Variants in ERBB4 observed in about 807,000 individuals in gnomAD.
ERBB4 encodes erb-b2 receptor tyrosine kinase 4.
ERBB4 carries 42 observed loss-of-function variants against 158.0 expected under a neutral mutation model. The ratio of observed to expected loss-of-function variants is 0.27; its 90% CI spans 0.21 to 0.34. The LOEUF is 0.34. Ranked by LOEUF, ERBB4 falls within the 10% of genes least tolerant of loss-of-function variation. The pLI is 1.00. For missense variants in ERBB4, 1,333 were observed against 1,624.1 expected, an observed-to-expected ratio of 0.82 and a Z score of 3.08; for synonymous variants, 583 against 558.7, an observed-to-expected ratio of 1.04 and a Z score of -0.61.
chr2:211,509,994 G>A (rs1453682356), intron 20 of ERBB4, among the ~76,000 whole-genome samples: 1 of 152,050 alleles, frequency 6.6e-6, no homozygotes, highest in African/African-American at 2.4e-5. Context: ...ACTGTTAGTG[G>A]GAATTTAAAT....
intron 2 of ERBB4, among the ~76,000 whole-genome samples, chr2:212,000,559 A>G (rs1204772084): frequency 1.3e-5 from 2 of 151,908 alleles, no homozygotes; most frequent in Non-Finnish European, 3.0e-5. Context: ...CTGCGTTAGA[A>G]TTGAAACTAA....
At chr2:212,314,971 G>T (rs901746239) in intron 1 of ERBB4, among the ~76,000 whole-genome samples, 4 of 151,150 alleles carry the variant, frequency 2.6e-5, no homozygotes, top group Non-Finnish European at 5.9e-5. Flanking sequence ...AATTTATTTG[G>T]TTTTTTAAAA....
chr2:212,464,843 T>A (rs1048163408), intron 1 of ERBB4, among the ~76,000 whole-genome samples: 3 of 151,788 alleles, frequency 2.0e-5, no homozygotes, highest in African/African-American at 7.3e-5. Context: ...AACTATTTGT[T>A]TTAATCAAAG....
At chr2:211,563,931 CTT>C (rs2067478543) in intron 19 of ERBB4, among the ~76,000 whole-genome samples, 1 of 151,986 alleles carries the variant, frequency 6.6e-6, no homozygotes, top group Non-Finnish European at 1.5e-5. Flanking sequence ...TTGTATTACT[CTT>C]GAACATTTTC....
chr2:212,405,734 C>T lies in ERBB4; in HGVS notation c.82+132715G>A, dbSNP rs73062304. On this transcript the variant is annotated intron_variant, in intron 1 of 27. Coordinates refer to ENST00000342788, the MANE Select transcript of ERBB4 (RefSeq NM_005235.3). ...TACTTCAATTATTTTTGTATGCTGG[C>T]TCCTAGGGAGCAGCCACACTTAGTA... is the stretch of plus-strand genomic sequence containing the variant. Among the ~76,000 whole-genome samples, 1,343 of 152,160 alleles carry T rather than the reference C, an allele frequency of 8.8e-3. 15 individuals are homozygous for T. Among genetic ancestry groups the T allele is most frequent in the African/African-American group, 0.029 (1,222 of 41,532 alleles).
intron 19 of ERBB4, among the ~76,000 whole-genome samples, chr2:211,614,035 A>T (rs537229741): frequency 1.3e-5 from 2 of 152,208 alleles, no homozygotes; most frequent in South Asian, 4.1e-4. Context: ...CCATCAACAG[A>T]TGTAGGAATA....
chr2:212,191,599 GTGTTA>G (rs1559701794), intron 1 of ERBB4, among the ~76,000 whole-genome samples: 1 of 140,128 alleles, frequency 7.1e-6, no homozygotes, highest in Non-Finnish European at 1.5e-5. Flanking sequence ...TATAACACAT[GTGTTA>G]TGCCTGTTAT....
At chr2:212,479,858 T>G (rs1689597563) in intron 1 of ERBB4, among the ~76,000 whole-genome samples, 2 of 152,186 alleles carry the variant, frequency 1.3e-5, no homozygotes, top group South Asian at 4.1e-4. Flanking sequence ...GTGAATGTCA[T>G]TTTAACAGAG....
intron 1 of ERBB4, among the ~76,000 whole-genome samples, chr2:212,165,934 A>C (rs1244834283): frequency 6.6e-6 from 1 of 152,066 alleles, no homozygotes; most frequent in African/African-American, 2.4e-5. Flanking sequence ...CTTTAATCAA[A>C]AACTGTATTT....
Position 212,384,890 on chromosome 2 carries a change from A to AATATATATATAT in ERBB4, c.82+153547_82+153558dup, listed in dbSNP as rs67216333. ...TTGTTCTTAAATTCCATGTTTGTGG[A>AATATATATATAT]ATATATATATATATATATATATATA... On this transcript the variant is annotated intron_variant, in intron 1 of 27. Transcript: ENST00000342788. 4.4e-3 allele frequency among the ~76,000 whole-genome samples: 545 copies of AATATATATATAT among 122,974 alleles called. 2 individuals carry two copies. The highest frequency in any genetic ancestry group is 0.013 in the Admixed American group (154 of 11,672). 80.7% of individuals were successfully genotyped at this position (122,974 alleles called of 152,430 possible).
chr2:212,123,878 G>A (rs1049954882), intron 2 of ERBB4, among the ~76,000 whole-genome samples: 5 of 152,062 alleles, frequency 3.3e-5, no homozygotes, highest in African/African-American at 1.2e-4. Flanking sequence ...AAATGTATAC[G>A]AAAGTGCTCC....
chr2:211,517,586 A>G (rs566679313), intron 20 of ERBB4, among the ~76,000 whole-genome samples: 3 of 152,268 alleles, frequency 2.0e-5, no homozygotes, highest in African/African-American at 7.2e-5. Flanking sequence ...CCCTGCCTTC[A>G]TAAAAGATTA....
intron 19 of ERBB4, among the ~76,000 whole-genome samples, chr2:211,583,852 A>G (rs1445186376): frequency 1.3e-5 from 2 of 151,384 alleles, no homozygotes; most frequent in Admixed American, 6.6e-5. Context: ...GTATTCTTCA[A>G]CGTTCCCCGG....
chr2:211,773,598 TTATATATATATATATATATATA>T (rs1171015959), intron 4 of ERBB4, among the ~76,000 whole-genome samples: 314 of 29,788 alleles, frequency 0.011, 13 homozygotes, highest in African/African-American at 0.017. Context: ...TTCTGTAACT[TTATATATATATATATATATATA>T]TATATATATA....
At chr2:211,822,581 A>C (rs1432109877) in intron 3 of ERBB4, among the ~76,000 whole-genome samples, 1 of 152,056 alleles carries the variant, frequency 6.6e-6, no homozygotes, top group East Asian at 1.9e-4. Flanking sequence ...AGAATATTCC[A>C]TAGAAAGAAA....
rs1229496709 is a variant in ERBB4, at chr2:211,861,061, AAATAT to A, written c.422-72907_422-72903del. On this transcript the variant is annotated intron_variant, in intron 3 of 27. Coordinates refer to ENST00000342788, the MANE Select transcript of ERBB4 (RefSeq NM_005235.3). ...TATATTTATATATTTATATATATAT[AAATAT>A]AATATATTTATATATTATAAAATAT... Among the ~76,000 whole-genome samples, 69 of 41,496 alleles carry A rather than the reference AAATAT, an allele frequency of 1.7e-3. 9 individuals carry two copies. Among genetic ancestry groups the A allele is most frequent in the Non-Finnish European group, 1.9e-3 (38 of 19,832 alleles). The allele number at this position is 41,496 out of a possible 152,430, so 27.2% of individuals were successfully genotyped here.
rs73062349 is a variant in ERBB4, at chr2:212,426,460, G to A, written c.82+111989C>T. The A allele has an allele frequency of 9.7e-3, 3,887 of 400,966 alleles. 152 individuals are homozygous for A. Among genetic ancestry groups the A allele is most frequent in the African/African-American group, 0.08 (3,559 of 44,362 alleles). The allele number at this position is 400,966 out of a possible 1,614,324, so 24.8% of individuals were successfully genotyped here. On this transcript the variant is annotated intron_variant, in intron 1 of 27. Coordinates refer to ENST00000342788, the MANE Select transcript of ERBB4 (RefSeq NM_005235.3). ...AGTAATTTCTTGCAGCTGAAATAGA[G>A]AAGCTGATATTTTTATTAAATAGTT...
intron 20 of ERBB4, among the ~76,000 whole-genome samples, chr2:211,518,004 G>A (rs2066083435): frequency 1.3e-5 from 2 of 152,030 alleles, no homozygotes; most frequent in African/African-American, 4.8e-5. Context: ...TATTGTACAA[G>A]TGTAATTATT....
chr2:211,590,031 G>GA, intron 19 of ERBB4, among the ~76,000 whole-genome samples: 1 of 152,088 alleles, frequency 6.6e-6, no homozygotes, highest in East Asian at 1.9e-4. Context: ...TCTGTTTCTA[G>GA]AAAAATTACT....
Sources: allele counts gnomAD v4.1 joint callset (sites outside exome capture counted in the v4.1 genomes callset), GRCh38; gene constraint gnomAD v4.1.1; transcripts MANE v1.5; gene names NCBI Gene and HGNC (gene_info 2026-07-23, HGNC 2026-07-21).